The following CASTOR2 variants were observed in gnomAD, a reference collection of about 807,000 sequenced individuals.
CASTOR2 encodes the protein GATS protein like 2.
CASTOR2 carries 8 observed loss-of-function variants against 31.2 expected under a neutral mutation model. That is an observed-to-expected ratio of 0.26 (90% CI 0.15 to 0.46). CASTOR2 has a LOEUF of 0.46. Among genes scored for constraint, CASTOR2 ranks in the 20% least tolerant of loss-of-function variants. The probability of loss-of-function intolerance (pLI) is 0.99; values close to 1 mark genes in which losing one functional copy is unlikely to be tolerated. For synonymous variants in CASTOR2, 162 were observed against 158.7 expected (o/e 1.02, Z -0.16); for missense variants, 216 against 382.1 (o/e 0.57, Z 3.62).
At position 75,025,048 on chromosome 7, in the gene CASTOR2, G is replaced by A. The variant is rs1805089957; in HGVS notation, c.*349G>A. Among the ~76,000 whole-genome samples the A allele has an allele frequency of 6.6e-6, 1 of 152,246 alleles. No homozygotes were observed. The highest frequency in any genetic ancestry group is 2.4e-5 in the African/African-American group (1 of 41,476). On this transcript the variant is annotated 3_prime_UTR_variant, in exon 9 of 9. Transcript: ENST00000616305. ...CAGGGGCAGATGCCGAGGGAAGCCG[G>A]TCCCTCCTGCGAGACACCGGTGTGC...
At chr7:74,993,997 C>T (rs1450763764) in intron 1 of CASTOR2, among the ~76,000 whole-genome samples, 7 of 152,202 alleles carry the variant, frequency 4.6e-5, no homozygotes, top group Non-Finnish European at 7.3e-5. Flanking sequence ...CAGGGCTCCT[C>T]GCCCAGGATG....
chr7:74,985,149 C>G (rs1169947295), intron 1 of CASTOR2, among the ~76,000 whole-genome samples: 9 of 151,970 alleles, frequency 5.9e-5, no homozygotes, highest in African/African-American at 2.2e-4. Context: ...TAAAAAAGAA[C>G]CACTCTAGAC....
At chr7:74,994,289 TTC>T (rs1171886694) in intron 1 of CASTOR2, among the ~76,000 whole-genome samples, 1 of 152,140 alleles carries the variant, frequency 6.6e-6, no homozygotes, top group Non-Finnish European at 1.5e-5. Flanking sequence ...TGGTGTGCAA[TTC>T]TCTTTCACCC....
At chr7:75,015,350 G>C (rs1462147691) in intron 2 of CASTOR2, among the ~76,000 whole-genome samples, 1 of 152,166 alleles carries the variant, frequency 6.6e-6, no homozygotes, top group Non-Finnish European at 1.5e-5. Flanking sequence ...GCTCACTGCA[G>C]CCTTGAAATC....
At position 75,027,956 on chromosome 7, in the gene CASTOR2, A is replaced by G; in HGVS notation, c.*3257A>G. ...GGCCCCAGACCCCACTTGGAGGGGCATGTGTTTCTCAGAGGGGCTCCATCC... is the reference window on the plus strand; with the variant it reads ...GGCCCCAGACCCCACTTGGAGGGGCGTGTGTTTCTCAGAGGGGCTCCATCC... On this transcript the variant is annotated 3_prime_UTR_variant, in exon 9 of 9. Coordinates refer to ENST00000616305, the MANE Select transcript of CASTOR2 (RefSeq NM_001145064.3). The G allele has an allele frequency of 9.0e-6, 13 of 1,446,552 alleles. No homozygotes were observed. The highest frequency in any genetic ancestry group is 1.2e-5 in the Non-Finnish European group (13 of 1,067,350). 89.6% of individuals were successfully genotyped at this position (1,446,552 alleles called of 1,614,324 possible). A position where few individuals can be genotyped will look rare whatever the true frequency, so the allele number is the denominator to read the frequency against.
intron 6 of CASTOR2, 126 bp from the exon 7 acceptor site, chr7:75,021,748 G>A (rs1805010201): frequency 8.8e-7 from 1 of 1,133,932 alleles, no homozygotes; most frequent in South Asian, 1.3e-5. Context: ...GTTTTTGGGG[G>A]GCCCTGAGGT....
chr7:75,012,615 A>T (rs1804779949), intron 2 of CASTOR2, among the ~76,000 whole-genome samples: 1 of 150,366 alleles, frequency 6.7e-6, no homozygotes, highest in South Asian at 2.1e-4. Context: ...CCCACTGGCT[A>T]GTTTTTGGGA....
At chr7:75,018,936 C>G in intron 4 of CASTOR2, 36 bp from the exon 5 acceptor site, 1 of 1,551,754 alleles carries the variant, frequency 6.4e-7, no homozygotes, top group Non-Finnish European at 8.7e-7. Flanking sequence ...GCTTTCAGTC[C>G]CAGCCTCAGT....
At chr7:75,014,236 G>GCCACGCA (rs1804814474) in intron 2 of CASTOR2, among the ~76,000 whole-genome samples, 1 of 151,878 alleles carries the variant, frequency 6.6e-6, no homozygotes, top group Non-Finnish European at 1.5e-5. Context: ...TGTGGTCCAT[G>GCCACGCA]CCACGCATGG....
intron 1 of CASTOR2, among the ~76,000 whole-genome samples, chr7:75,005,900 C>T (rs1312317124): frequency 1.4e-4 from 22 of 152,152 alleles, no homozygotes; most frequent in African/African-American, 3.4e-4. Flanking sequence ...GATGCTGAGG[C>T]GGGTGGATCA....
chr7:75,027,939 A>G lies in CASTOR2; in HGVS notation c.*3240A>G. 2.9e-6 allele frequency: 4 copies of G among 1,359,054 alleles called. No homozygotes were observed. Among genetic ancestry groups the G allele is most frequent in the Non-Finnish European group, 4.0e-6 (4 of 988,204 alleles). 84.2% of individuals were successfully genotyped at this position (1,359,054 alleles called of 1,614,324 possible). ...GTGGGAGGGTCTCTCCAGGCCCCAG[A>G]CCCCACTTGGAGGGGCATGTGTTTC... On this transcript the variant is annotated 3_prime_UTR_variant, in exon 9 of 9. Transcript: ENST00000616305.
At chr7:75,008,536 G>T (rs1398363612) in intron 2 of CASTOR2, among the ~76,000 whole-genome samples, 1 of 151,958 alleles carries the variant, frequency 6.6e-6, no homozygotes, top group Non-Finnish European at 1.5e-5. Context: ...CTACTAAAAC[G>T]TTACTTTAAA....
At chr7:75,024,060 G>C (rs1391415419) in intron 7 of CASTOR2, among the ~76,000 whole-genome samples, 1 of 152,074 alleles carries the variant, frequency 6.6e-6, no homozygotes, top group Non-Finnish European at 1.5e-5. Context: ...TGTGGAGGTG[G>C]GTGGATCATT....
intron 1 of CASTOR2, among the ~76,000 whole-genome samples, chr7:74,994,180 A>T (rs1804283416): frequency 6.6e-6 from 1 of 152,252 alleles, no homozygotes; most frequent in Non-Finnish European, 1.5e-5. Context: ...GGCCCAGATC[A>T]GGGGCCACCC....
chr7:75,016,857 C>T (rs1473619277), intron 2 of CASTOR2, among the ~76,000 whole-genome samples: 1 of 152,224 alleles, frequency 6.6e-6, no homozygotes, highest in Non-Finnish European at 1.5e-5. Context: ...CAGGAAGCAG[C>T]CTTTGATTCA....
Position 75,017,699 on chromosome 7 carries a change from G to A in CASTOR2, c.286G>A (p.Val96Met). Reference sequence around the variant, plus strand: ...CTTCTCCAGCTCCCAGCCCATCGGCGTGACCAAGATCGCCAAGTCAGTCAT... The same window carrying A: ...CTTCTCCAGCTCCCAGCCCATCGGCATGACCAAGATCGCCAAGTCAGTCAT... Reference protein sequence around the residue: ...GSFSSSQPIGVTKIAKSVIAP... With the variant: ...GSFSSSQPIGMTKIAKSVIAP... The change falls in exon 3 of 9, where the codon GTG becomes ATG. Residue 96 changes from valine to methionine, a missense_variant. Physicochemically the swap from Val to Met is conservative, Grantham distance 21. Coordinates refer to ENST00000616305, the MANE Select transcript of CASTOR2 (RefSeq NM_001145064.3). 2 of 1,614,048 alleles carry A rather than the reference G, an allele frequency of 1.2e-6. No homozygotes were observed. Among genetic ancestry groups the A allele is most frequent in the Non-Finnish European group, 1.7e-6 (2 of 1,179,884 alleles).
At position 75,027,876 on chromosome 7, in the gene CASTOR2, G is replaced by A. The variant is rs914470199; in HGVS notation, c.*3177G>A. The A allele has an allele frequency of 9.9e-5, 84 of 849,970 alleles. 1 individual carries two copies. Among genetic ancestry groups the A allele is most frequent in the Admixed American group, 2.9e-4 (14 of 48,402 alleles). 52.7% of individuals were successfully genotyped at this position (849,970 alleles called of 1,614,324 possible). On this transcript the variant is annotated 3_prime_UTR_variant, in exon 9 of 9. Transcript: ENST00000616305. ...GTGTGGTTTTTCCCAGGCAGGGGCC[G>A]TCTGCCCTTGTCCCCCAGCTATCTC...
intron 2 of CASTOR2, among the ~76,000 whole-genome samples, chr7:75,009,186 G>T (rs1297677864): frequency 6.8e-6 from 1 of 146,890 alleles, no homozygotes; most frequent in Non-Finnish European, 1.5e-5. Context: ...TTGATCTCCT[G>T]ACCTCATGAT....
At chr7:74,992,063 G>C (rs1398542051) in intron 1 of CASTOR2, among the ~76,000 whole-genome samples, 12 of 152,186 alleles carry the variant, frequency 7.9e-5, no homozygotes, top group African/African-American at 2.9e-4. Context: ...CAATCGAAGA[G>C]GGCTTGGTGA....
Sources: allele counts gnomAD v4.1 joint callset (sites outside exome capture counted in the v4.1 genomes callset), GRCh38; gene constraint gnomAD v4.1.1; transcripts MANE v1.5; gene names NCBI Gene and HGNC (gene_info 2026-07-23, HGNC 2026-07-21).